Variants in CADM2 observed in about 807,000 individuals in gnomAD.
CADM2 encodes cell adhesion molecule 2.
In CADM2, 12 loss-of-function variants were observed where a neutral mutation model predicts 49.8. The ratio of observed to expected loss-of-function variants is 0.24; its 90% CI spans 0.15 to 0.39. The LOEUF is 0.39. Among genes scored for constraint, CADM2 ranks in the 10% least tolerant of loss-of-function variants. The probability of loss-of-function intolerance (pLI) is 1.00; values close to 1 mark genes in which losing one functional copy is unlikely to be tolerated. For missense variants in CADM2, 378 were observed against 492.3 expected, an observed-to-expected ratio of 0.77 and a Z score of 2.20; for synonymous variants, 214 against 175.4, an observed-to-expected ratio of 1.22 and a Z score of -1.74.
chr3:85,870,410 C>T (rs1355827472), intron 3 of CADM2, among the ~76,000 whole-genome samples: 1 of 152,066 alleles, frequency 6.6e-6, no homozygotes, highest in Non-Finnish European at 1.5e-5. Context: ...TCCTCCCATC[C>T]TCCATCCTCA....
At chr3:85,563,792 A>G (rs2062171797) in intron 1 of CADM2, among the ~76,000 whole-genome samples, 1 of 152,142 alleles carries the variant, frequency 6.6e-6, no homozygotes, top group South Asian at 2.1e-4. Flanking sequence ...CTCCATATAA[A>G]TGATTGTTCT....
intron 1 of CADM2, among the ~76,000 whole-genome samples, chr3:85,156,177 A>T (rs1440411442): frequency 6.6e-6 from 1 of 152,112 alleles, no homozygotes; most frequent in Non-Finnish European, 1.5e-5. Flanking sequence ...AAATTAATGA[A>T]TCCAGGAGCT....
chr3:86,065,334 T>A (rs369938487), intron 8 of CADM2, among the ~76,000 whole-genome samples: 18 of 152,230 alleles, frequency 1.2e-4, no homozygotes, highest in African/African-American at 4.1e-4. Flanking sequence ...AGGAAAGGTC[T>A]ATAGCTATAC....
At chr3:85,949,521 G>T (rs1577748085) in intron 7 of CADM2, among the ~76,000 whole-genome samples, 1 of 151,040 alleles carries the variant, frequency 6.6e-6, no homozygotes, top group Non-Finnish European at 1.5e-5. Flanking sequence ...AGAAAACAAG[G>T]TTGTCACCAA....
chr3:86,041,525 G>A (rs1195046993), intron 8 of CADM2, among the ~76,000 whole-genome samples: 1 of 152,140 alleles, frequency 6.6e-6, no homozygotes, highest in Non-Finnish European at 1.5e-5. Flanking sequence ...TCAACAAGAA[G>A]AGCTAACTAT....
At chr3:85,572,480 C>T (rs868428165) in intron 1 of CADM2, among the ~76,000 whole-genome samples, 43 of 151,940 alleles carry the variant, frequency 2.8e-4, no homozygotes, top group African/African-American at 9.9e-4. Context: ...AGAGGGGAGA[C>T]GGGGAAGAGG....
At chr3:85,946,781 A>G (rs527603430) in intron 7 of CADM2, among the ~76,000 whole-genome samples, 19 of 152,316 alleles carry the variant, frequency 1.2e-4, no homozygotes, top group African/African-American at 4.6e-4. Context: ...CTTACACCTT[A>G]TACAAAAATC....
intron 1 of CADM2, among the ~76,000 whole-genome samples, chr3:85,568,473 C>CTCTTTCTTTCTT (rs34480650): frequency 0.073 from 2,003 of 27,532 alleles, 494 homozygotes; most frequent in Non-Finnish European, 0.14. Flanking sequence ...CTCTTTCTCT[C>CTCTTTCTTTCTT]TCTTTCTTTC....
At chr3:85,190,744 T>C (rs2107723899) in intron 1 of CADM2, among the ~76,000 whole-genome samples, 1 of 152,300 alleles carries the variant, frequency 6.6e-6, no homozygotes, top group East Asian at 1.9e-4. Context: ...CCCTCCTATG[T>C]GCTGCTGTCC....
At chr3:85,231,707 CTTTTT>C (rs754139147) in intron 1 of CADM2, among the ~76,000 whole-genome samples, 3 of 130,726 alleles carry the variant, frequency 2.3e-5, no homozygotes, top group Admixed American at 7.7e-5. Context: ...AGTTTCCTTT[CTTTTT>C]TTTTTTTTTT....
chr3:85,352,099 T>C (rs2031408620), intron 1 of CADM2, among the ~76,000 whole-genome samples: 1 of 152,170 alleles, frequency 6.6e-6, no homozygotes, highest in African/African-American at 2.4e-5. Flanking sequence ...TATCTCCTGA[T>C]TTAAAAGTGC....
chr3:85,122,040 C>T (rs1271661665), intron 1 of CADM2, among the ~76,000 whole-genome samples: 1 of 151,608 alleles, frequency 6.6e-6, no homozygotes, highest in African/African-American at 2.4e-5. Flanking sequence ...TTTTTGTCAA[C>T]AGCTACATTA....
In CADM2 at chr3:85,572,626, C is replaced by A. The variant is rs140308608; in HGVS notation, c.62-153896C>A. Among the ~76,000 whole-genome samples the A allele has an allele frequency of 1.0e-3, 155 of 152,198 alleles. 1 individual carries two copies. Among genetic ancestry groups the A allele is most frequent in the African/African-American group, 3.6e-3 (150 of 41,524 alleles). The stretch of plus-strand genomic sequence containing the variant: ...CCAAAGGCCTCAGAACAAGAAAAGC[C>A]AATGGTATAACTCTTGGTCTGAGGC... On this transcript the variant is annotated intron_variant, in intron 1 of 9. Transcript: ENST00000383699.
intron 1 of CADM2, among the ~76,000 whole-genome samples, chr3:85,033,458 A>G (rs2035076781): frequency 6.6e-6 from 1 of 152,216 alleles, no homozygotes; most frequent in Non-Finnish European, 1.5e-5. Context: ...TACCCAAGAC[A>G]AGCATTATCC....
At chr3:85,231,238 T>C (rs1000755329) in intron 1 of CADM2, among the ~76,000 whole-genome samples, 2 of 152,222 alleles carry the variant, frequency 1.3e-5, no homozygotes, top group Admixed American at 6.5e-5. Flanking sequence ...GACAATTTTT[T>C]TCATTGCTAT....
chr3:85,402,722 G>A (rs1325961795), intron 1 of CADM2, among the ~76,000 whole-genome samples: 1 of 152,132 alleles, frequency 6.6e-6, no homozygotes. Flanking sequence ...CACAGTCTTT[G>A]AAGTAATACC....
At position 86,049,810 on chromosome 3, in the gene CADM2, C is replaced by T. The variant is rs992189675; in HGVS notation, c.971-15795C>T. Among the ~76,000 whole-genome samples, 5 of 152,136 alleles carry T rather than the reference C, an allele frequency of 3.3e-5. No homozygotes were observed. In the East Asian group the frequency reaches 9.7e-4, roughly 29 times the overall value. ...CAGCACCAACGGGGCGGTGCCAAACCGTTCATGAGAAACTGCTCCCATGAT... is the reference window on the plus strand; with the variant it reads ...CAGCACCAACGGGGCGGTGCCAAACTGTTCATGAGAAACTGCTCCCATGAT... On this transcript the variant is annotated intron_variant, in intron 8 of 9. Coordinates refer to ENST00000383699, the MANE Select transcript of CADM2 (RefSeq NM_001167675.2).
At chr3:86,030,441 C>T (rs766789446) in intron 8 of CADM2, among the ~76,000 whole-genome samples, 32 of 151,928 alleles carry the variant, frequency 2.1e-4, no homozygotes, top group Non-Finnish European at 4.0e-4. Flanking sequence ...AGTGTAAACT[C>T]TATTTCATAT....
intron 1 of CADM2, among the ~76,000 whole-genome samples, chr3:85,126,610 AC>A (rs1388802576): frequency 6.6e-6 from 1 of 152,204 alleles, no homozygotes; most frequent in East Asian, 1.9e-4. Context: ...TTAAGTTTTA[AC>A]CATATCTGGC....
Sources: allele counts gnomAD v4.1 joint callset (sites outside exome capture counted in the v4.1 genomes callset), GRCh38; gene constraint gnomAD v4.1.1; transcripts MANE v1.5; gene names NCBI Gene and HGNC (gene_info 2026-07-23, HGNC 2026-07-21).